The following LINGO1 variants were observed in gnomAD, a reference collection of about 807,000 sequenced individuals.
LINGO1 encodes the protein leucine-rich repeat and immunoglobulin-like domain-containing nogo receptor-interacting protein 1.
Under a neutral mutation model 37.3 loss-of-function variants are expected in LINGO1, and 11 were observed. The ratio of observed to expected loss-of-function variants is 0.29; its 90% confidence interval spans 0.19 to 0.49. LINGO1 has a LOEUF of 0.49. Among genes scored for constraint, LINGO1 ranks in the 20% least tolerant of loss-of-function variants. The probability of loss-of-function intolerance (pLI) is 0.99; values close to 1 mark genes in which losing one functional copy is unlikely to be tolerated. For missense variants in LINGO1, 585 were observed against 878.2 expected (o/e 0.67, Z 4.22); for synonymous variants, 387 against 403.0 (o/e 0.96, Z 0.48).
At chr15:77,770,463 T>C (rs968221907) in intron 1 of LINGO1, among the ~76,000 whole-genome samples, 15 of 151,974 alleles carry the variant, frequency 9.9e-5, no homozygotes, top group African/African-American at 3.4e-4. Context: ...GGTGCATGCC[T>C]GTAATTCCAG....
At chr15:77,622,604 C>T (rs771083706) in intron 1 of LINGO1, among the ~76,000 whole-genome samples, 97 of 152,348 alleles carry the variant, frequency 6.4e-4, no homozygotes, top group Non-Finnish European at 8.5e-4. Context: ...CCTGAGGTCC[C>T]TTCTTTGCTT....
At chr15:77,792,119 C>T (rs892777459) in intron 2 of LINGO1, among the ~76,000 whole-genome samples, 1 of 152,160 alleles carries the variant, frequency 6.6e-6, no homozygotes, top group African/African-American at 2.4e-5. Flanking sequence ...GATGCCGGCA[C>T]CTCAAACACT....
At chr15:77,791,485 TGGA>T (rs1472957993), upstream of LINGO1, among the ~76,000 whole-genome samples, 1 of 151,550 alleles carries the variant, frequency 6.6e-6, no homozygotes, top group Admixed American at 6.6e-5. Context: ...GTGTGGGGGA[TGGA>T]GGAGGAGAGT....
intron 2 of LINGO1, among the ~76,000 whole-genome samples, chr15:77,795,292 C>T (rs1354226485): frequency 6.6e-6 from 1 of 152,196 alleles, no homozygotes; most frequent in Non-Finnish European, 1.5e-5. Context: ...CATTTCTCCA[C>T]ATCCCCTCAC....
intron 3 of LINGO1, among the ~76,000 whole-genome samples, chr15:77,664,166 T>TGCGCGCGCGCGC (rs1225533245): frequency 1.1e-4 from 14 of 123,040 alleles, no homozygotes; most frequent in East Asian, 4.1e-4. Context: ...TGTGTGTGTG[T>TGCGCGCGCGCGC]GTGTGCGCGC....
At position 77,632,449 on chromosome 15, in the gene LINGO1, C is replaced by CGAGG; in HGVS notation, c.-135_-134insCCTC. On this transcript the variant is annotated 5_prime_UTR_variant, in exon 1 of 2. Transcript: ENST00000355300. This position sits in a 1 kb window ranked among gnomAD's most constrained non-coding sequence, Gnocchi z 6.0. ...TCCGACACCTCCGCCCGGCAGTCCG[C>CGAGG]GCGCCCTCGCGGGGCTGGCTGTCCG... 1.0e-6 allele frequency: 1 copy of CGAGG among 1,000,006 alleles called. No homozygotes were observed. Among genetic ancestry groups the CGAGG allele is most frequent in the Non-Finnish European group, 1.3e-6 (1 of 777,322 alleles). The allele number at this position is 1,000,006 out of a possible 1,614,324, so 61.9% of individuals were successfully genotyped here.
intron 1 of LINGO1, among the ~76,000 whole-genome samples, chr15:77,694,984 C>T (rs2075665463): frequency 6.6e-6 from 1 of 150,986 alleles, no homozygotes; most frequent in Admixed American, 6.6e-5. Context: ...ATACACTGAA[C>T]ACTCGGGATA....
chr15:77,804,351 G>A (rs1431703595), intron 1 of LINGO1, among the ~76,000 whole-genome samples: 1 of 152,194 alleles, frequency 6.6e-6, no homozygotes, highest in Non-Finnish European at 1.5e-5. Flanking sequence ...GGAGGGACTA[G>A]TGCAAGTCAT....
At position 77,777,483 on chromosome 15, in the gene LINGO1, A is replaced by G. The variant is rs1468397658; in HGVS notation, c.-257+9386T>C. ...CACACACGCACACACACACACACAC[A>G]CACACACACACACACACACAGCTCA... On this transcript the variant is annotated intron_variant, in intron 1 of 3. Coordinates refer to the LINGO1 transcript ENST00000561686. Among the ~76,000 whole-genome samples, 652 of 99,044 alleles carry G rather than the reference A, an allele frequency of 6.6e-3. 9 individuals carry two copies. The highest frequency in any genetic ancestry group is 0.023 in the African/African-American group (625 of 27,528). 65.0% of individuals were successfully genotyped at this position (99,044 alleles called of 152,430 possible).
intron 2 of LINGO1, among the ~76,000 whole-genome samples, chr15:77,713,850 T>A (rs1048753312): frequency 6.6e-6 from 1 of 152,052 alleles, no homozygotes; most frequent in African/African-American, 2.4e-5. Context: ...TCGCACCCCC[T>A]AGGTGTGCCT....
At chr15:77,639,527 C>T (rs116751203) in intron 3 of LINGO1, among the ~76,000 whole-genome samples, 3 of 151,736 alleles carry the variant, frequency 2.0e-5, no homozygotes, top group African/African-American at 4.8e-5. Flanking sequence ...AGCAGAGGAG[C>T]GCGCATGGCA....
chr15:77,662,619 T>C (rs1192444720), intron 3 of LINGO1, among the ~76,000 whole-genome samples: 3 of 152,154 alleles, frequency 2.0e-5, no homozygotes, highest in African/African-American at 4.8e-5. Context: ...TGGGGGTCTC[T>C]ACTCCATGAA....
intron 1 of LINGO1, among the ~76,000 whole-genome samples, chr15:77,783,667 G>A (rs1352559347): frequency 1.3e-5 from 2 of 152,184 alleles, no homozygotes; most frequent in African/African-American, 4.8e-5. Context: ...AGATGAGACT[G>A]TATCTCAAAA....
chr15:77,807,474 G>A (rs2076969450), intron 1 of LINGO1, among the ~76,000 whole-genome samples: 1 of 152,186 alleles, frequency 6.6e-6, no homozygotes, highest in Non-Finnish European at 1.5e-5. Flanking sequence ...AAACGGATGT[G>A]CTCAGGGAAC....
intron 3 of LINGO1, among the ~76,000 whole-genome samples, chr15:77,658,644 C>T (rs945434264): frequency 6.6e-6 from 1 of 152,228 alleles, no homozygotes; most frequent in African/African-American, 2.4e-5. Context: ...TGAGGGTGAC[C>T]AATCATCCCC....
chr15:77,808,606 C>T (rs1311161394), intron 1 of LINGO1, among the ~76,000 whole-genome samples: 2 of 152,166 alleles, frequency 1.3e-5, no homozygotes, highest in Non-Finnish European at 2.9e-5. Flanking sequence ...GCACAGACTC[C>T]CCTCTGTCTG....
intron 2 of LINGO1, among the ~76,000 whole-genome samples, chr15:77,710,871 A>T (rs979349312): frequency 1.3e-5 from 2 of 152,234 alleles, no homozygotes; most frequent in Non-Finnish European, 2.9e-5. Flanking sequence ...GTGCCAGGCC[A>T]TGGAGGATCC....
intron 2 of LINGO1, among the ~76,000 whole-genome samples, chr15:77,721,977 A>G (rs2076054971): frequency 6.6e-6 from 1 of 151,638 alleles, no homozygotes; most frequent in South Asian, 2.1e-4. Context: ...CTTGCTCATC[A>G]AGTACCTGCT....
intron 1 of LINGO1, among the ~76,000 whole-genome samples, chr15:77,762,836 C>T (rs533269487): frequency 6.6e-6 from 1 of 152,160 alleles, no homozygotes; most frequent in African/African-American, 2.4e-5. Flanking sequence ...CTCTTCCCTG[C>T]CCCAGGGCTT....
Sources: gnomAD v4.1 joint callset for allele counts (sites outside exome capture counted in the v4.1 genomes callset) on GRCh38, gnomAD v4.1.1 for gene constraint, Gnocchi (gnomAD v3.1) non-coding constraint, MANE v1.5 for transcripts, NCBI Gene and HGNC (gene_info 2026-07-23, HGNC 2026-07-21) for gene names.